VPS53: variants seen among roughly 807,000 people sequenced by gnomAD.
VPS53 encodes the protein vacuolar protein sorting-associated protein 53 homolog.
In VPS53, 70 loss-of-function variants were observed where a neutral mutation model predicts 107.0. The observed-to-expected ratio is 0.65, with a 90% CI of 0.54 to 0.80. The LOEUF is 0.80. Among genes scored for constraint, VPS53 ranks in the 30% least tolerant of loss-of-function variants. The pLI is 0.00. For synonymous variants in VPS53, 409 were observed against 393.3 expected, an observed-to-expected ratio of 1.04 and a Z score of -0.47; for missense variants, 917 against 1,049.4, an observed-to-expected ratio of 0.87 and a Z score of 1.74.
At chr17:594,680 C>G in intron 12 of VPS53, among the ~76,000 whole-genome samples, 1 of 129,044 alleles carries the variant, frequency 7.7e-6, no homozygotes, top group African/African-American at 3.0e-5. Flanking sequence ...TAGTGTCCCC[C>G]TGGAGGAAGC....
At chr17:557,446 G>C (rs1162194699) in intron 15 of VPS53, among the ~76,000 whole-genome samples, 1 of 151,962 alleles carries the variant, frequency 6.6e-6, no homozygotes, top group Non-Finnish European at 1.5e-5. Flanking sequence ...CTAGGACTTG[G>C]ACATATTTTG....
At chr17:647,686 G>A (rs557353546) in intron 7 of VPS53, among the ~76,000 whole-genome samples, 1 of 152,282 alleles carries the variant, frequency 6.6e-6, no homozygotes, top group South Asian at 2.1e-4. Flanking sequence ...GGAAGGATGA[G>A]GGAAAGGGTG....
chr17:626,951 A>C (rs1969737935), intron 10 of VPS53, among the ~76,000 whole-genome samples: 1 of 152,154 alleles, frequency 6.6e-6, no homozygotes, highest in Admixed American at 6.6e-5. Flanking sequence ...GAGAAGGTAG[A>C]GATGGCTTGA....
chr17:692,723 C>A (rs1247222933), intron 4 of VPS53, among the ~76,000 whole-genome samples: 1 of 152,236 alleles, frequency 6.6e-6, no homozygotes, highest in Non-Finnish European at 1.5e-5. Flanking sequence ...GCACACCTAG[C>A]CGGGTGCGGT....
chr17:697,680 G>A (rs1185990256), intron 3 of VPS53, among the ~76,000 whole-genome samples, 196 bp from the exon 4 acceptor site: 2 of 151,820 alleles, frequency 1.3e-5, no homozygotes, highest in Non-Finnish European at 3.0e-5. Flanking sequence ...CCCAGTGCAG[G>A]CTGATGCATC....
intron 13 of VPS53, among the ~76,000 whole-genome samples, chr17:575,260 A>G (rs1914498726): frequency 6.6e-6 from 1 of 152,240 alleles, no homozygotes; most frequent in South Asian, 2.1e-4. Context: ...AGTGAATAAT[A>G]CAGTTCCATG....
chr17:694,685 T>C, intron 4 of VPS53, among the ~76,000 whole-genome samples: 3 of 152,350 alleles, frequency 2.0e-5, no homozygotes, highest in Middle Eastern at 6.8e-3. Flanking sequence ...GTTTTTATGA[T>C]AAAATGTTTT....
chr17:701,287 C>T (rs2143946014), intron 2 of VPS53, among the ~76,000 whole-genome samples: 1 of 151,864 alleles, frequency 6.6e-6, no homozygotes, highest in South Asian at 2.1e-4. Context: ...GTTTGCACCA[C>T]TGCACTCCAG....
intron 16 of VPS53, chr17:552,803 G>A (rs1043927343): frequency 3.4e-6 from 1 of 295,784 alleles, no homozygotes; most frequent in African/African-American, 2.1e-5. Flanking sequence ...GGCCAGTAGG[G>A]ACTCATTCTG....
intron 7 of VPS53, among the ~76,000 whole-genome samples, chr17:638,726 G>T (rs976880358): frequency 6.6e-6 from 1 of 152,302 alleles, no homozygotes; most frequent in Middle Eastern, 3.4e-3. Flanking sequence ...TTTTCTTCAA[G>T]AATGTTGAAT....
chr17:693,974 T>C (rs570606656), intron 4 of VPS53, among the ~76,000 whole-genome samples: 27 of 152,276 alleles, frequency 1.8e-4, no homozygotes, highest in African/African-American at 5.5e-4. Flanking sequence ...ACCAAGTCTG[T>C]TGCAGTCAAA....
chr17:574,965 CTG>C (rs1219237069), intron 13 of VPS53, among the ~76,000 whole-genome samples: 3 of 152,306 alleles, frequency 2.0e-5, no homozygotes, highest in Middle Eastern at 3.4e-3. Flanking sequence ...TGGAGGCAAA[CTG>C]TGAATGTAGA....
rs181550109 is a variant in VPS53 at position 524,024 on chromosome 17, C to T, written c.2086-2286G>A. ...AAAACTTTAAGAAGAAAATACAGGG[C>T]GCAGTGGCTCATGCCTGTAATCCCA... is the stretch of plus-strand genomic sequence containing the variant. On this transcript the variant is annotated intron_variant, in intron 19 of 21. Transcript: ENST00000437048. This position sits in a 1 kb window ranked among gnomAD's most constrained non-coding sequence, Gnocchi z 4.5. 2.1e-3 allele frequency among the ~76,000 whole-genome samples: 327 copies of T among 152,222 alleles called. No individual in the cohort carries two copies. Among genetic ancestry groups the T allele is most frequent in the African/African-American group, 7.4e-3 (308 of 41,536 alleles).
intron 4 of VPS53, among the ~76,000 whole-genome samples, chr17:687,859 A>G (rs562035474): frequency 6.6e-6 from 1 of 152,230 alleles, no homozygotes; most frequent in Non-Finnish European, 1.5e-5. Flanking sequence ...ATCTTGTCCA[A>G]GGTCACACAG....
intron 11 of VPS53, 105 bp downstream of exon 11, chr17:623,428 G>T: frequency 7.3e-7 from 1 of 1,366,652 alleles, no homozygotes; most frequent in Non-Finnish European, 1.0e-6. Flanking sequence ...GCAATGAGGG[G>T]TTAAGCACCG....
intron 5 of VPS53, among the ~76,000 whole-genome samples, chr17:656,301 G>A (rs1971184827): frequency 1.3e-5 from 2 of 152,184 alleles, no homozygotes; most frequent in Admixed American, 1.3e-4. Context: ...AGGAAAGTGT[G>A]CCTTCTGGTG....
At chr17:551,696 G>A (rs1252886692) in intron 17 of VPS53, 176 bp downstream of exon 17, 3 of 452,232 alleles carry the variant, frequency 6.6e-6, no homozygotes, top group African/African-American at 4.0e-5. Flanking sequence ...ACAAGCAACT[G>A]AACTGACGCA....
chr17:570,239 G>A (rs1447386154), intron 13 of VPS53, among the ~76,000 whole-genome samples: 2 of 151,582 alleles, frequency 1.3e-5, no homozygotes, highest in South Asian at 2.1e-4. Flanking sequence ...GTGCAGTGGC[G>A]GGTACCTGTA....
At chr17:539,454 C>T (rs1910413203) in intron 17 of VPS53, among the ~76,000 whole-genome samples, 1 of 152,168 alleles carries the variant, frequency 6.6e-6, no homozygotes, top group Non-Finnish European at 1.5e-5. Flanking sequence ...TAGCAAAGGC[C>T]AAGTGGATTC....
Sources: allele counts gnomAD v4.1 joint callset (sites outside exome capture counted in the v4.1 genomes callset), GRCh38; gene constraint gnomAD v4.1.1; non-coding constraint Gnocchi (gnomAD v3.1); transcripts MANE v1.5; gene names NCBI Gene and HGNC (gene_info 2026-07-23, HGNC 2026-07-21).